Variants in VAV3 observed in about 807,000 individuals in gnomAD.
The protein encoded by VAV3 is vav guanine nucleotide exchange factor 3, also known as guanine nucleotide exchange factor VAV3.
Under a neutral mutation model 131.2 loss-of-function variants are expected in VAV3, and 94 were observed. That is an observed-to-expected ratio of 0.72 (90% CI 0.61 to 0.85). VAV3 has a LOEUF of 0.85. Among genes scored for constraint, VAV3 ranks in the 40% least tolerant of loss-of-function variants. The pLI is 0.00. For missense variants in VAV3, 939 were observed against 1,002.7 expected, an observed-to-expected ratio of 0.94 and a Z score of 0.86; for synonymous variants, 349 against 342.0, an observed-to-expected ratio of 1.02 and a Z score of -0.22.
rs114646792 is a variant in VAV3, at chr1:107,707,721, G to C, written c.1503-2660C>G. On this transcript the variant is annotated intron_variant, in intron 15 of 26. Transcript: ENST00000370056. ...AGATTACATGTATGAAAAACCTTGT[G>C]TATGAAACTGTGATCTCTTCAGTTC... Among the ~76,000 whole-genome samples the C allele has an allele frequency of 6.5e-3, 997 of 152,300 alleles. 13 individuals carry two copies. The highest frequency in any genetic ancestry group is 0.022 in the African/African-American group (931 of 41,570).
intron 19 of VAV3, among the ~76,000 whole-genome samples, chr1:107,679,369 G>A (rs1658444580): frequency 6.6e-6 from 1 of 152,142 alleles, no homozygotes. Context: ...ATTATTCAAG[G>A]TTATCACAAA....
chr1:107,778,725 TAAAAAACA>T (rs1295145170), intron 3 of VAV3, among the ~76,000 whole-genome samples: 1 of 152,164 alleles, frequency 6.6e-6, no homozygotes, highest in East Asian at 1.9e-4. Context: ...ATAAAGAAGG[TAAAAAACA>T]AATTTGATCC....
chr1:107,760,159 C>T (rs1664333638), intron 10 of VAV3, among the ~76,000 whole-genome samples: 1 of 152,102 alleles, frequency 6.6e-6, no homozygotes, highest in Admixed American at 6.5e-5. Flanking sequence ...ATTTCACAAG[C>T]ATCAGCAGAG....
intron 25 of VAV3, among the ~76,000 whole-genome samples, chr1:107,584,914 G>T (rs1650364400): frequency 6.6e-6 from 1 of 152,158 alleles, no homozygotes; most frequent in South Asian, 2.1e-4. Context: ...ATATTTGGCA[G>T]ACATGTATTA....
At chr1:107,647,563 T>C (rs538360268) in intron 19 of VAV3, among the ~76,000 whole-genome samples, 1 of 152,136 alleles carries the variant, frequency 6.6e-6, no homozygotes, top group South Asian at 2.1e-4. Context: ...GAGGGAACTT[T>C]AAAACAAATA....
At chr1:107,730,542 G>T (rs1245838457) in intron 15 of VAV3, among the ~76,000 whole-genome samples, 5 of 152,112 alleles carry the variant, frequency 3.3e-5, no homozygotes, top group African/African-American at 9.7e-5. Flanking sequence ...ATAAAATAAA[G>T]TGATCAAAAA....
At chr1:107,668,593 A>G (rs1036892140) in intron 19 of VAV3, 1 of 971,190 alleles carries the variant, frequency 1.0e-6, no homozygotes, top group Non-Finnish European at 1.2e-6. Context: ...GCAGTCATGG[A>G]GTACAATGAA....
intron 2 of VAV3, among the ~76,000 whole-genome samples, chr1:107,780,937 C>T (rs1332195161): frequency 5.3e-5 from 8 of 152,102 alleles, no homozygotes; most frequent in African/African-American, 1.9e-4. Context: ...CGAGAAAAGG[C>T]AAAAATCTGT....
chr1:107,603,945 C>T (rs1652069464), intron 22 of VAV3, among the ~76,000 whole-genome samples: 1 of 152,026 alleles, frequency 6.6e-6, no homozygotes, highest in African/African-American at 2.4e-5. Flanking sequence ...GTTGATACCA[C>T]CGGTGTGGTT....
intron 11 of VAV3, among the ~76,000 whole-genome samples, chr1:107,755,956 CTG>C (rs985706871): frequency 5.3e-5 from 8 of 152,110 alleles, no homozygotes; most frequent in Non-Finnish European, 1.2e-4. Flanking sequence ...TCTAGCAAGA[CTG>C]TTTTATTTTT....
chr1:107,619,030 G>A (rs1275842520), intron 20 of VAV3, among the ~76,000 whole-genome samples: 1 of 152,154 alleles, frequency 6.6e-6, no homozygotes, highest in Non-Finnish European at 1.5e-5. Flanking sequence ...GAATTGGAGG[G>A]AGAGAAACAC....
intron 2 of VAV3, chr1:107,785,511 T>C (rs370044921): frequency 1.8e-5 from 24 of 1,311,118 alleles, no homozygotes; most frequent in Admixed American, 2.5e-5. Context: ...GAGCCCCAAA[T>C]GCAAGACGAG....
At chr1:107,668,992 T>C (rs776040656) in intron 19 of VAV3, 224 of 998,690 alleles carry the variant, frequency 2.2e-4, no homozygotes, top group Middle Eastern at 5.1e-4. Context: ...TCAGGATTTC[T>C]AAGGGAGTCA....
chr1:107,602,575 G>T, intron 23 of VAV3, 91 bp from the exon 24 acceptor site: 1 of 1,026,706 alleles, frequency 9.7e-7, no homozygotes, highest in Non-Finnish European at 1.4e-6. Flanking sequence ...TAACATTTTA[G>T]GAATTAATTC....
chr1:107,938,954 A>G (rs180952738), intron 1 of VAV3, among the ~76,000 whole-genome samples: 4 of 152,226 alleles, frequency 2.6e-5, no homozygotes, highest in African/African-American at 9.7e-5. Flanking sequence ...CTGTGTTCAA[A>G]TAAGGCAAAC....
intron 1 of VAV3, among the ~76,000 whole-genome samples, chr1:107,904,868 T>C (rs79101088): frequency 0.034 from 5,106 of 152,330 alleles, 118 homozygotes; most frequent in South Asian, 0.13. Context: ...ATAAATGCTA[T>C]AGCATGGTTA....
At chr1:107,759,958 T>C (rs1166462697) in intron 10 of VAV3, among the ~76,000 whole-genome samples, 1 of 152,198 alleles carries the variant, frequency 6.6e-6, no homozygotes, top group Non-Finnish European at 1.5e-5. Context: ...AGTTTAGGTC[T>C]CATAAATGTT....
At chr1:107,704,130 T>C (rs1169688006) in intron 17 of VAV3, among the ~76,000 whole-genome samples, 1 of 152,228 alleles carries the variant, frequency 6.6e-6, no homozygotes, top group Admixed American at 6.5e-5. Flanking sequence ...TCTGGAGCCA[T>C]TAGCATTCCT....
At chr1:107,856,525 G>A (rs905869524) in intron 2 of VAV3, among the ~76,000 whole-genome samples, 7 of 151,218 alleles carry the variant, frequency 4.6e-5, no homozygotes, top group Admixed American at 1.3e-4. Flanking sequence ...CCCCAGGACC[G>A]AAATATTAAA....
Sources: gnomAD v4.1 joint callset for allele counts (sites outside exome capture counted in the v4.1 genomes callset) on GRCh38, gnomAD v4.1.1 for gene constraint, MANE v1.5 for transcripts, NCBI Gene and HGNC (gene_info 2026-07-23, HGNC 2026-07-21) for gene names.